The following CD300A variants were observed in gnomAD, a reference collection of about 807,000 sequenced individuals.
CD300A encodes CMRF35-like molecule 8.
A neutral mutation model predicts 33.6 loss-of-function variants in CD300A; 22 were observed. That is an observed-to-expected ratio of 0.66 (90% CI 0.47 to 0.94). The LOEUF is 0.94. CD300A is among the 40% of genes least tolerant of loss of function. CD300A has a pLI of 0.00. For synonymous variants in CD300A, 136 were observed against 148.1 expected, an observed-to-expected ratio of 0.92 and a Z score of 0.59; for missense variants, 326 against 360.5, an observed-to-expected ratio of 0.90 and a Z score of 0.77.
Position 74,466,690 on chromosome 17 carries a change from C to T in CD300A, c.-14C>T. On this transcript the variant is annotated 5_prime_UTR_variant, in exon 1 of 7. Transcript: ENST00000360141. ...GGAGCTGCTGCAAGTGCCGCCTGTGCTGGGGAAGGGACCATGTGGCTGCCT... is the reference window on the plus strand; with the variant it reads ...GGAGCTGCTGCAAGTGCCGCCTGTGTTGGGGAAGGGACCATGTGGCTGCCT... 1 of 1,593,044 alleles carries T rather than the reference C, an allele frequency of 6.3e-7. No individual in the cohort carries two copies.
At chr17:74,483,590 C>T (rs1907060551) in intron 6 of CD300A, among the ~76,000 whole-genome samples, 1 of 152,178 alleles carries the variant, frequency 6.6e-6, no homozygotes, top group African/African-American at 2.4e-5. Flanking sequence ...CTCCTGACAT[C>T]AAGTGATCCA....
intron 5 of CD300A, 141 bp downstream of exon 5, chr17:74,481,467 G>A (rs1339007020): frequency 6.5e-6 from 5 of 771,988 alleles, no homozygotes; most frequent in South Asian, 6.4e-5. Flanking sequence ...GATGCTGGGA[G>A]ATGTGGTCAC....
chr17:74,473,398 C>A (rs1335733941), intron 1 of CD300A, 138 bp from the exon 2 acceptor site: 7 of 761,328 alleles, frequency 9.2e-6, no homozygotes, highest in African/African-American at 1.7e-5. Context: ...ATCCTCAGTC[C>A]CCGCTCCTGG....
At chr17:74,476,197 T>C (rs948898850) in intron 3 of CD300A, among the ~76,000 whole-genome samples, 6 of 152,184 alleles carry the variant, frequency 3.9e-5, no homozygotes, top group African/African-American at 1.4e-4. Context: ...ACGTAGTTGG[T>C]CTTTCTGGTG....
intron 6 of CD300A, among the ~76,000 whole-genome samples, chr17:74,483,351 C>T (rs1907040931): frequency 6.8e-6 from 1 of 146,336 alleles, no homozygotes; most frequent in African/African-American, 2.7e-5. Context: ...TTTTTCTTTT[C>T]TTTTCTTTTT....
chr17:74,471,871 G>T (rs189529898), intron 1 of CD300A, among the ~76,000 whole-genome samples: 8 of 152,138 alleles, frequency 5.3e-5, no homozygotes, highest in Non-Finnish European at 1.2e-4. Context: ...ACCTGTAGAC[G>T]TTGAAGGTAT....
chr17:74,477,433 C>T lies in CD300A; in HGVS notation c.534-3C>T. 8.7e-6 allele frequency: 14 copies of T among 1,612,796 alleles called. No individual in the cohort carries two copies. Among genetic ancestry groups the T allele is most frequent in the Non-Finnish European group, 1.2e-5 (14 of 1,179,126 alleles). The stretch of plus-strand genomic sequence containing the variant: ...CGCCCTTACCATCCTGTGCCTCCTC[C>T]AGGCTCCCGCTGCTCCTCTCCCTGC... On this transcript the variant is annotated splice_region_variant and splice_polypyrimidine_tract_variant and intron_variant, in intron 3 of 6. Transcript: ENST00000360141.
rs1263607678 is a variant in CD300A at position 74,473,588 on chromosome 17, C to G, written c.93C>G (p.Ser31=). 1.2e-6 allele frequency: 2 copies of G among 1,614,024 alleles called. No individual in the cohort carries two copies. Among genetic ancestry groups the G allele is most frequent in the African/African-American group, 2.7e-5 (2 of 74,942 alleles). Reference sequence around the variant, plus strand: ...CCGTGGCGGGCCCCGTGGGGGGATCCCTGAGTGTGCAGTGTCCCTATGAGA... The same window carrying G: ...CCGTGGCGGGCCCCGTGGGGGGATCGCTGAGTGTGCAGTGTCCCTATGAGA... ...CRTVAGPVGG[S]LSVQCPYEKE... Residue 31 remains serine, a synonymous_variant, in exon 2 of 7, where the codon TCC becomes TCG. Coordinates refer to ENST00000360141, the MANE Select transcript of CD300A (RefSeq NM_007261.4).
intron 1 of CD300A, among the ~76,000 whole-genome samples, chr17:74,467,160 A>AG (rs1218133590): frequency 1.8e-5 from 1 of 54,914 alleles, no homozygotes; most frequent in Non-Finnish European, 3.6e-5. Flanking sequence ...GGTATGGAGG[A>AG]GGGGGGTGTG....
In CD300A at chr17:74,483,039, G is replaced by A. The variant is rs147151204; in HGVS notation, c.775-962G>A. 1.8e-3 allele frequency among the ~76,000 whole-genome samples: 274 copies of A among 152,240 alleles called. 1 individual carries two copies. Among genetic ancestry groups the A allele is most frequent in the African/African-American group, 6.3e-3 (260 of 41,534 alleles). On this transcript the variant is annotated intron_variant, in intron 6 of 6. Coordinates refer to ENST00000360141, the MANE Select transcript of CD300A (RefSeq NM_007261.4). ...CCTGGCCAAGTTTCTGAGCGCCCCT[G>A]CACTCAAGCCTGACTCCTTCCTTGC... is the stretch of plus-strand genomic sequence containing the variant.
chr17:74,474,011 C>T, intron 2 of CD300A, 137 bp downstream of exon 2: 1 of 957,104 alleles, frequency 1.0e-6, no homozygotes, highest in Non-Finnish European at 1.5e-6. Context: ...CAGGGGAACA[C>T]AGTCAGGGGG....
chr17:74,477,687 G>A (rs1906565965), intron 4 of CD300A, among the ~76,000 whole-genome samples, 157 bp downstream of exon 4: 1 of 152,134 alleles, frequency 6.6e-6, no homozygotes, highest in African/African-American at 2.4e-5. Context: ...CAGGTCCCAT[G>A]GGAGGCATCC....
chr17:74,474,654 C>T lies in CD300A; in HGVS notation c.502C>T (p.Gln168Ter), dbSNP rs746874556. The change falls in exon 3 of 7, where the codon CAG becomes TAG. Residue 168 changes from glutamine to a stop codon, truncating the protein, a stop_gained. Coordinates refer to ENST00000360141, the MANE Select transcript of CD300A (RefSeq NM_007261.4). LOFTEE classifies it high-confidence loss of function. ...AVGATHSASI[Q>*]EETEEVVNSQ... ...GGGTGCCACCCACAGTGCCAGCATC[C>T]AGGAGGAAACTGAGGAGGTGGTGAA... is the stretch of plus-strand genomic sequence containing the variant. The T allele has an allele frequency of 7.4e-6, 12 of 1,614,040 alleles. No individual in the cohort carries two copies.
Position 74,484,325 on chromosome 17 carries a change from C to G in CD300A, c.*199C>G, listed in dbSNP as rs1462687656. ...CGAGGGCCAGCAGGGCTGGGGGCTCCGGAGAGCAGCAGGAAGCACTCCCAG... is the reference window on the plus strand; with the variant it reads ...CGAGGGCCAGCAGGGCTGGGGGCTCGGGAGAGCAGCAGGAAGCACTCCCAG... On this transcript the variant is annotated 3_prime_UTR_variant, in exon 7 of 7. Transcript: ENST00000360141. The G allele has an allele frequency of 3.9e-6, 2 of 506,358 alleles. No homozygotes were observed. The highest frequency in any genetic ancestry group is 1.9e-5 in the African/African-American group (1 of 51,738). 31.4% of individuals were successfully genotyped at this position (506,358 alleles called of 1,614,324 possible).
chr17:74,483,953 C>T, intron 6 of CD300A, 48 bp from the exon 7 acceptor site: 1 of 1,602,812 alleles, frequency 6.2e-7, no homozygotes, highest in South Asian at 1.1e-5. Flanking sequence ...GGGGTCCTTT[C>T]TTCCCTTGCC....
intron 6 of CD300A, 108 bp from the exon 7 acceptor site, chr17:74,483,893 G>C: frequency 7.8e-7 from 1 of 1,276,536 alleles, no homozygotes; most frequent in Non-Finnish European, 1.1e-6. Flanking sequence ...CCTCTACAGT[G>C]AGGCCTCCCC....
chr17:74,477,575 G>A, intron 4 of CD300A, 45 bp downstream of exon 4: 1 of 1,316,882 alleles, frequency 7.6e-7, no homozygotes, highest in Non-Finnish European at 1.1e-6. Context: ...GGGGTGGTCA[G>A]ACCCTGACCA....
intron 1 of CD300A, among the ~76,000 whole-genome samples, chr17:74,468,650 A>G (rs909964278): frequency 6.6e-6 from 1 of 151,852 alleles, no homozygotes; most frequent in East Asian, 1.9e-4. Context: ...AACATTTTTT[A>G]TTTTATTTTT....
At chr17:74,481,704 C>CT in intron 5 of CD300A, 22 bp from the exon 6 acceptor site, 1 of 1,574,624 alleles carries the variant, frequency 6.4e-7, no homozygotes, top group Non-Finnish European at 8.7e-7. Flanking sequence ...GGACACCCAC[C>CT]TGGGACCTCC....
Sources: gnomAD v4.1 joint callset for allele counts (sites outside exome capture counted in the v4.1 genomes callset) on GRCh38, gnomAD v4.1.1 for gene constraint, MANE v1.5 for transcripts, NCBI Gene and HGNC (gene_info 2026-07-23, HGNC 2026-07-21) for gene names.